JMJD1C: variants seen among roughly 807,000 people sequenced by gnomAD.
JMJD1C encodes the protein jumonji domain containing 1C.
JMJD1C carries 31 observed loss-of-function variants against 245.3 expected under a neutral mutation model. That is an observed-to-expected ratio of 0.13 (90% confidence interval 0.09 to 0.17). The LOEUF (loss-of-function observed/expected upper bound fraction) is 0.17, where lower values mean the gene tolerates loss of function less well. Among genes scored for constraint, JMJD1C ranks in the 10% least tolerant of loss-of-function variants. The probability of loss-of-function intolerance (pLI) is 1.00; values close to 1 mark genes in which losing one functional copy is unlikely to be tolerated. For missense variants in JMJD1C, 2,691 were observed against 3,000.2 expected (o/e 0.90, Z 2.41); for synonymous variants, 1,057 against 1,017.4 (o/e 1.04, Z -0.74).
chr10:63,260,615 A>T (rs1370749234), intron 3 of JMJD1C, among the ~76,000 whole-genome samples: 1 of 151,820 alleles, frequency 6.6e-6, no homozygotes, highest in Non-Finnish European at 1.5e-5. Context: ...TTTGAGATGT[A>T]GTCACGCTCT....
rs1285457326 is a variant in JMJD1C at position 63,168,250 on chromosome 10, ATGTT to A, written c.7534-120_7534-117del. ...ACTAGGAAAGCCAAATATAAGAAAA[ATGTT>A]TGAAAGTGTTAAGCCAAAAGGGACA... On this transcript the variant is annotated intron_variant, in intron 25 of 25. Coordinates refer to ENST00000399262, the MANE Select transcript of JMJD1C (RefSeq NM_032776.3). The A allele has an allele frequency of 3.0e-5, 30 of 1,014,126 alleles. No individual in the cohort carries two copies. The Middle Eastern group carries it at 1.2e-3, about 41-fold the overall frequency. The allele number at this position is 1,014,126 out of a possible 1,614,324, so 62.8% of individuals were successfully genotyped here.
At position 63,395,063 on chromosome 10, in the gene JMJD1C, A is replaced by T. The variant is rs573508695; in HGVS notation, c.169-14581T>A. Among the ~76,000 whole-genome samples, 4 of 152,316 alleles carry T rather than the reference A, an allele frequency of 2.6e-5. No individual in the cohort carries two copies. In the East Asian group the frequency reaches 7.7e-4, roughly 29 times the overall value. On this transcript the variant is annotated intron_variant, in intron 1 of 25. Coordinates refer to ENST00000399262, the MANE Select transcript of JMJD1C (RefSeq NM_032776.3). ...ATATGGGCAAAAGATTTGAACATGT[A>T]CTTCACTAAAGAAGACATACAGGCA...
intron 10 of JMJD1C, chr10:63,202,775 C>T: frequency 2.0e-6 from 2 of 985,216 alleles, no homozygotes; most frequent in Non-Finnish European, 2.4e-6. Flanking sequence ...GAGATTTTTC[C>T]TATGAACTGT....
chr10:63,466,783 A>G (rs1348844498), upstream of JMJD1C, among the ~76,000 whole-genome samples: 3 of 147,090 alleles, frequency 2.0e-5, no homozygotes, highest in African/African-American at 4.9e-5. Context: ...ACAATTCAAG[A>G]AAAAAAATAT....
At chr10:63,189,467 CAAAAA>C (rs762867188) in intron 17 of JMJD1C, 21 bp from the exon 18 acceptor site, 3 of 1,564,820 alleles carry the variant, frequency 1.9e-6, no homozygotes, top group Non-Finnish European at 2.6e-6. Context: ...AAAAACAAAA[CAAAAA>C]AAACCTGTTT....
In JMJD1C at chr10:63,183,542, A is replaced by G. The variant is rs1554828044; in HGVS notation, c.6989T>C (p.Ile2330Thr). Residue 2330 changes from isoleucine (I) to threonine (T), a missense_variant, in exon 22 of 26, where the codon ATA becomes ACA. Ile to Thr is a moderately conservative substitution (Grantham distance 89). This residue lies in a region of JMJD1C where 232 missense variants were observed against 416.1 expected (regional missense o/e 0.56). Coordinates refer to ENST00000399262, the MANE Select transcript of JMJD1C (RefSeq NM_032776.3). ...YGVVAAKDHDIGTTNLHIEVS... is the reference protein window; with the variant it reads ...YGVVAAKDHDTGTTNLHIEVS... ...TTCAATATGGAGATTTGTTGTTCCT[A>G]TATCATGATCTTTAGCAGCAACTAC... 7 of 1,600,368 alleles carry G rather than the reference A, an allele frequency of 4.4e-6. No homozygotes were observed. The highest frequency in any genetic ancestry group is 6.0e-6 in the Non-Finnish European group (7 of 1,171,934).
chr10:63,230,350 C>G (rs1378515137), intron 3 of JMJD1C, among the ~76,000 whole-genome samples: 3 of 152,056 alleles, frequency 2.0e-5, no homozygotes, highest in Admixed American at 6.6e-5. Context: ...CCAGCCTGGG[C>G]AACAGAGCAA....
At chr10:63,282,476 T>C (rs143902659) in intron 2 of JMJD1C, among the ~76,000 whole-genome samples, 1 of 152,224 alleles carries the variant, frequency 6.6e-6, no homozygotes, top group African/African-American at 2.4e-5. Flanking sequence ...AGTACTGATA[T>C]GCAACACAGA....
At chr10:63,273,221 TCTCA>T (rs1450652464) in intron 2 of JMJD1C, among the ~76,000 whole-genome samples, 1 of 152,184 alleles carries the variant, frequency 6.6e-6, no homozygotes, top group African/African-American at 2.4e-5. Context: ...AGAGATTGGG[TCTCA>T]CTCTGTTGTC....
chr10:63,207,853 C>T lies in JMJD1C; in HGVS notation c.3816G>A (p.Leu1272=). The T allele has an allele frequency of 6.2e-7, 1 of 1,614,164 alleles. No individual in the cohort carries two copies. The highest frequency in any genetic ancestry group is 8.5e-7 in the Non-Finnish European group (1 of 1,180,008). The change falls in exon 10 of 26, where the codon TTG becomes TTA. Residue 1272 remains leucine (L), a synonymous_variant. Coordinates refer to ENST00000399262, the MANE Select transcript of JMJD1C (RefSeq NM_032776.3). The part of the protein sequence containing the change: ...ANFKSSSEQS[L]TEMWRPNNNL... ...TATTATTAGGTCTCCACATCTCCGT[C>T]AAACTCTGTTCTGAAGAACTCTTAA...
chr10:63,178,004 G>T, intron 22 of JMJD1C, 148 bp from the exon 23 acceptor site: 1 of 740,798 alleles, frequency 1.3e-6, no homozygotes, highest in Non-Finnish European at 2.1e-6. Context: ...GCAGTGGCAT[G>T]ATCTTGGCTC....
At chr10:63,327,511 A>G (rs1180233057) in intron 2 of JMJD1C, among the ~76,000 whole-genome samples, 2 of 152,202 alleles carry the variant, frequency 1.3e-5, no homozygotes, top group Non-Finnish European at 2.9e-5. Flanking sequence ...TTCCAGTTAC[A>G]ACTAAGGAAG....
At chr10:63,241,050 G>A (rs1476540982) in intron 3 of JMJD1C, among the ~76,000 whole-genome samples, 10 of 152,088 alleles carry the variant, frequency 6.6e-5, no homozygotes, top group Non-Finnish European at 1.5e-5. Context: ...GAGAAGTGGC[G>A]GTATTATAAA....
rs139722368 is a variant in JMJD1C at position 63,208,190 on chromosome 10, ACTAAAC to A, written c.3473_3478del (p.Gly1158_Leu1159del). The A allele has an allele frequency of 0.035, 56,867 of 1,613,900 alleles. 2,327 individuals are homozygous for A. The highest frequency in any genetic ancestry group is 0.23 in the East Asian group (10,344 of 44,854). ...TGGAAGATGTTCTGGTATCTTGCCT[ACTAAAC>A]CTTCACTTTCTGGTTGGTGTTTAAT... On this transcript the variant is annotated inframe_deletion, in exon 10 of 26. Coordinates refer to ENST00000399262, the MANE Select transcript of JMJD1C (RefSeq NM_032776.3).
chr10:63,361,962 A>G (rs1945390815), intron 2 of JMJD1C, among the ~76,000 whole-genome samples: 1 of 152,040 alleles, frequency 6.6e-6, no homozygotes, highest in South Asian at 2.1e-4. Context: ...GGCCAAGCAC[A>G]GTGGTTCACA....
At chr10:63,302,943 T>C (rs1281859285) in intron 2 of JMJD1C, among the ~76,000 whole-genome samples, 2 of 152,210 alleles carry the variant, frequency 1.3e-5, no homozygotes. Context: ...CTTACTCTGT[T>C]GCCTATCATA....
intron 2 of JMJD1C, among the ~76,000 whole-genome samples, chr10:63,279,698 G>T (rs1295279880): frequency 6.6e-6 from 1 of 152,204 alleles, no homozygotes; most frequent in Non-Finnish European, 1.5e-5. Flanking sequence ...TAAGACTGTA[G>T]TGAGCCATGT....
intron 2 of JMJD1C, among the ~76,000 whole-genome samples, chr10:63,337,624 AAAAAG>A (rs1554892788): frequency 1.7e-5 from 1 of 60,194 alleles, no homozygotes; most frequent in Non-Finnish European, 3.3e-5. Context: ...AAAAGAAAAG[AAAAAG>A]AAAAGAAAAA....
chr10:63,200,524 TCTC>T lies in JMJD1C; in HGVS notation c.5225_5227del (p.Gly1742del), dbSNP rs1243654890. ...AAATACTGGTGAGTGAGCTGGTTCTTCTCCTTTTTTACTGCGAATAAGTCTACA... is the reference window on the plus strand; with the variant it reads ...AAATACTGGTGAGTGAGCTGGTTCTTCTTTTTTACTGCGAATAAGTCTACA... On this transcript the variant is annotated inframe_deletion, in exon 11 of 26. Coordinates refer to ENST00000399262, the MANE Select transcript of JMJD1C (RefSeq NM_032776.3). The T allele has an allele frequency of 3.1e-6, 5 of 1,613,948 alleles. No homozygotes were observed. Among genetic ancestry groups the T allele is most frequent in the Non-Finnish European group, 4.2e-6 (5 of 1,179,908 alleles).
Sources: allele counts gnomAD v4.1 joint callset (sites outside exome capture counted in the v4.1 genomes callset), GRCh38; gene constraint gnomAD v4.1.1; regional missense constraint gnomAD v4.1.1; transcripts MANE v1.5; gene names NCBI Gene and HGNC (gene_info 2026-07-23, HGNC 2026-07-21).